The following PCNX4 variants were observed in gnomAD, a reference collection of about 807,000 sequenced individuals.
PCNX4 encodes the protein pecanex-like protein 4.
PCNX4 carries 103 observed loss-of-function variants against 107.2 expected under a neutral mutation model. The ratio of observed to expected loss-of-function variants is 0.96; its 90% CI spans 0.82 to 1.13. The LOEUF (loss-of-function observed/expected upper bound fraction) is 1.13, where lower values mean the gene tolerates loss of function less well. PCNX4 is among the 50% of genes most tolerant of loss of function. PCNX4 has a pLI of 0.00. For missense variants in PCNX4, 1,528 were observed against 1,379.4 expected (o/e 1.11, Z -1.71); for synonymous variants, 541 against 481.7 (o/e 1.12, Z -1.61).
intron 2 of PCNX4, among the ~76,000 whole-genome samples, chr14:60,113,778 A>G (rs1895784747): frequency 6.6e-6 from 1 of 152,146 alleles, no homozygotes; most frequent in South Asian, 2.1e-4. Flanking sequence ...TATCTTTGGT[A>G]CCCCAGAAGT....
chr14:60,118,239 AAAATT>A, intron 6 of PCNX4, 85 bp from the exon 7 acceptor site: 1 of 1,330,066 alleles, frequency 7.5e-7, no homozygotes, highest in Non-Finnish European at 9.7e-7. Flanking sequence ...GGGCAATAAT[AAAATT>A]ACTGTATAGT....
chr14:60,128,601 A>G (rs192822425), intron 10 of PCNX4, among the ~76,000 whole-genome samples: 6 of 152,248 alleles, frequency 3.9e-5, no homozygotes, highest in South Asian at 2.1e-4. Flanking sequence ...AGAGTTCTTC[A>G]GGCTGAAAGT....
intron 7 of PCNX4, among the ~76,000 whole-genome samples, chr14:60,120,070 C>A (rs1195865149): frequency 6.6e-6 from 1 of 152,046 alleles, no homozygotes; most frequent in Admixed American, 6.6e-5. Context: ...TCAAGACTAC[C>A]CCAGGTTTGA....
intron 9 of PCNX4, 85 bp downstream of exon 9, chr14:60,125,336 C>A: frequency 3.9e-6 from 5 of 1,288,576 alleles, no homozygotes; most frequent in Non-Finnish European, 3.1e-6. Context: ...GACAGTTATT[C>A]GTTTCTAGTT....
chr14:60,138,672 C>A lies in PCNX4; in HGVS notation c.*4451C>A, dbSNP rs929320605. On this transcript the variant is annotated 3_prime_UTR_variant, in exon 11 of 11. Coordinates refer to ENST00000406854, the MANE Select transcript of PCNX4 (RefSeq NM_001330177.2). ...TTAAGAATGAAGGCAAAGACACTTT[C>A]AAACGCAACAAATTTAATAGCAGAT... is the stretch of plus-strand genomic sequence containing the variant. 2 of 152,026 alleles carry A rather than the reference C, an allele frequency of 1.3e-5. No individual in the cohort carries two copies. Among genetic ancestry groups the A allele is most frequent in the African/African-American group, 4.8e-5 (2 of 41,384 alleles). 9.4% of individuals were successfully genotyped at this position (152,026 alleles called of 1,614,324 possible).
intron 1 of PCNX4, among the ~76,000 whole-genome samples, chr14:60,097,903 C>T (rs924476514): frequency 1.3e-5 from 2 of 152,150 alleles, no homozygotes; most frequent in Non-Finnish European, 2.9e-5. Context: ...ACTGTCTGTC[C>T]CCTTGTCAGC....
chr14:60,092,458 G>A (rs1895321418), intron 1 of PCNX4, 39 bp downstream of exon 1: 1 of 152,244 alleles, frequency 6.6e-6, no homozygotes, highest in Non-Finnish European at 1.5e-5. Context: ...GGACTTCTTC[G>A]GCATCTTAAT....
chr14:60,092,596 T>C (rs751891817), intron 1 of PCNX4, among the ~76,000 whole-genome samples, 177 bp downstream of exon 1: 2 of 152,352 alleles, frequency 1.3e-5, no homozygotes, highest in South Asian at 4.1e-4. Flanking sequence ...TCATTAGAGA[T>C]AGTAATTCAG....
chr14:60,096,984 T>C (rs1361440277), intron 1 of PCNX4, among the ~76,000 whole-genome samples: 9 of 152,260 alleles, frequency 5.9e-5, no homozygotes, highest in Admixed American at 1.3e-4. Flanking sequence ...TTTCAAAAAC[T>C]GTAGCACACC....
chr14:60,107,684 T>C lies in PCNX4; in HGVS notation c.46T>C (p.Phe16Leu). The change falls in exon 2 of 11, where the codon TTT becomes CTT. Residue 16 changes from phenylalanine to leucine, a missense_variant. Coordinates refer to ENST00000406854, the MANE Select transcript of PCNX4 (RefSeq NM_001330177.2). ...PLLNDYKQDFFLKRFPQTVLG... is the reference protein window; with the variant it reads ...PLLNDYKQDFLLKRFPQTVLG... ...ACTGAATGATTACAAGCAGGACTTC[T>C]TTCTGAAGCGCTTTCCACAGACTGT... is the stretch of plus-strand genomic sequence containing the variant. 6.2e-7 allele frequency: 1 copy of C among 1,612,882 alleles called. No homozygotes were observed. Among genetic ancestry groups the C allele is most frequent in the South Asian group, 1.1e-5 (1 of 91,074 alleles).
At position 60,134,156 on chromosome 14, in the gene PCNX4, G is replaced by C; in HGVS notation, c.3454G>C (p.Ala1152Pro). 6.2e-7 allele frequency: 1 copy of C among 1,613,700 alleles called. No homozygotes were observed. The highest frequency in any genetic ancestry group is 8.5e-7 in the Non-Finnish European group (1 of 1,179,676). Residue 1152 changes from alanine (A) to proline (P), a missense_variant, in exon 11 of 11, where the codon GCA becomes CCA. Coordinates refer to ENST00000406854, the MANE Select transcript of PCNX4 (RefSeq NM_001330177.2). ...ACTTTTAAGAAATCTTACGGTACAA[G>C]CAGCAGAACCTCCCCTGGGATATCC... ...PLLLRNLTVQ[A>P]AEPPLGYPIY...
chr14:60,095,925 G>C (rs905598025), intron 1 of PCNX4, among the ~76,000 whole-genome samples: 3 of 152,146 alleles, frequency 2.0e-5, no homozygotes, highest in African/African-American at 7.2e-5. Flanking sequence ...CTATATTACT[G>C]CCTTCTCAAT....
intron 10 of PCNX4, among the ~76,000 whole-genome samples, chr14:60,129,288 T>G (rs1248260293): frequency 6.9e-6 from 1 of 145,014 alleles, no homozygotes; most frequent in Non-Finnish European, 1.5e-5. Flanking sequence ...CATGGTAACT[T>G]ATGACTGTAA....
Position 60,125,256 on chromosome 14 carries a change from T to C in PCNX4, c.3080+5T>C. The C allele has an allele frequency of 6.5e-7, 1 of 1,532,132 alleles. No individual in the cohort carries two copies. The highest frequency in any genetic ancestry group is 1.3e-5 in the South Asian group (1 of 76,996). The allele number at this position is 1,532,132 out of a possible 1,614,324, so 94.9% of individuals were successfully genotyped here. A position where few individuals can be genotyped will look rare whatever the true frequency, so the allele number is the denominator to read the frequency against. On this transcript the variant is annotated splice_donor_5th_base_variant and intron_variant, in intron 9 of 10. Transcript: ENST00000406854. ...ACTAGCACTGAAAGCATTCAGGTAA[T>C]CCATTTTGATCATATGTAAGTTATA...
In PCNX4 at chr14:60,108,015, CTG is replaced by C. The variant is rs751534354; in HGVS notation, c.379_380del (p.Val127GlnfsTer35). 8.1e-6 allele frequency: 13 copies of C among 1,612,744 alleles called. No homozygotes were observed. The East Asian group carries it at 2.7e-4, about 33-fold the overall frequency. ...TTTACCAGTTGTACTGGTGCTGAGA[CTG>C]TCAAATTTCTCATTCCTGGCAAGAA... On this transcript the variant is annotated frameshift_variant, in exon 2 of 11. Coordinates refer to ENST00000406854, the MANE Select transcript of PCNX4 (RefSeq NM_001330177.2). LOFTEE classifies it high-confidence loss of function.
Position 60,118,692 on chromosome 14 carries a change from G to A in PCNX4, c.1942G>A (p.Gly648Ser). The change falls in exon 7 of 11, where the codon GGT (glycine) becomes AGT (serine). Residue 648 changes from glycine (G) to serine (S), a missense_variant and splice_region_variant. Physicochemically the swap from Gly to Ser is moderately conservative, Grantham distance 56. Transcript: ENST00000406854. Reference protein sequence around the residue: ...LQTAMAAGSLGLLLPGSHYLG... With the variant: ...LQTAMAAGSLSLLLPGSHYLG... ...GACTGCAATGGCAGCTGGAAGTTTA[G>A]GTAAGTAAATGGGTTGTGCTCAAGA... The A allele has an allele frequency of 1.3e-6, 2 of 1,559,536 alleles. No homozygotes were observed. The highest frequency in any genetic ancestry group is 1.2e-5 in the South Asian group (1 of 83,842).
At position 60,144,316 on chromosome 14, in the gene PCNX4, A is replaced by T. The variant is rs1896345024; in HGVS notation, c.*10095A>T. ...TTTGTGTGAAATATTCTATACATTTATGTTGCTATGGTTTGGATGTTTTTG... is the reference window on the plus strand; with the variant it reads ...TTTGTGTGAAATATTCTATACATTTTTGTTGCTATGGTTTGGATGTTTTTG... On this transcript the variant is annotated 3_prime_UTR_variant, in exon 11 of 11. Coordinates refer to ENST00000406854, the MANE Select transcript of PCNX4 (RefSeq NM_001330177.2). 6.6e-6 allele frequency: 1 copy of T among 152,406 alleles called. No homozygotes were observed. Among genetic ancestry groups the T allele is most frequent in the African/African-American group, 2.4e-5 (1 of 41,458 alleles). 9.4% of individuals were successfully genotyped at this position (152,406 alleles called of 1,614,324 possible).
At chr14:60,092,525 C>G (rs796948153) in intron 1 of PCNX4, 106 bp downstream of exon 1, 1 of 152,252 alleles carries the variant, frequency 6.6e-6, no homozygotes, top group Non-Finnish European at 1.5e-5. Context: ...CCACAAGAAA[C>G]ATATTTTTCG....
rs1384051805 is a variant in PCNX4, at chr14:60,145,780, G to GAT, written c.*11560_*11561insTA. 1.3e-5 allele frequency: 2 copies of GAT among 152,068 alleles called. No homozygotes were observed. The highest frequency in any genetic ancestry group is 4.8e-5 in the African/African-American group (2 of 41,428). The allele number at this position is 152,068 out of a possible 1,614,324, so 9.4% of individuals were successfully genotyped here. On this transcript the variant is annotated 3_prime_UTR_variant, in exon 11 of 11. Coordinates refer to ENST00000406854, the MANE Select transcript of PCNX4 (RefSeq NM_001330177.2). This position sits in a 1 kb window ranked among gnomAD's most constrained non-coding sequence, Gnocchi z 4.0. Reference sequence around the variant, plus strand: ...CCCCAAGATGTGATGTTTCTTTTCAGAAGATATGCATTTACCACTTTCAAA... The same window carrying GAT: ...CCCCAAGATGTGATGTTTCTTTTCAGATAAGATATGCATTTACCACTTTCAAA...
Sources: gnomAD v4.1 joint callset for allele counts (sites outside exome capture counted in the v4.1 genomes callset) on GRCh38, gnomAD v4.1.1 for gene constraint, Gnocchi (gnomAD v3.1) non-coding constraint, MANE v1.5 for transcripts, NCBI Gene and HGNC (gene_info 2026-07-23, HGNC 2026-07-21) for gene names.